Variants in TMEM45A observed in about 807,000 individuals in gnomAD.
TMEM45A encodes the protein transmembrane protein 45A, also known as DNA polymerase-transactivated protein 4.
Under a neutral mutation model 32.0 loss-of-function variants are expected in TMEM45A, and 25 were observed. The ratio of observed to expected loss-of-function variants is 0.78; its 90% CI spans 0.57 to 1.09. TMEM45A has a LOEUF of 1.09. Among genes scored for constraint, TMEM45A ranks in the 50% least tolerant of loss-of-function variants. The probability of loss-of-function intolerance (pLI) is 0.00; values close to 1 mark genes in which losing one functional copy is unlikely to be tolerated. For synonymous variants in TMEM45A, 122 were observed against 114.8 expected (o/e 1.06, Z -0.40); for missense variants, 302 against 325.0 (o/e 0.93, Z 0.54).
At chr3:100,499,067 G>A (rs1215525494) in intron 1 of TMEM45A, among the ~76,000 whole-genome samples, 2 of 151,952 alleles carry the variant, frequency 1.3e-5, no homozygotes, top group African/African-American at 4.8e-5. Context: ...GTGTGTTGTA[G>A]AAGTTCTTTA....
At chr3:100,554,434 G>T (rs1177039574) in intron 1 of TMEM45A, among the ~76,000 whole-genome samples, 2 of 152,192 alleles carry the variant, frequency 1.3e-5, no homozygotes, top group African/African-American at 2.4e-5. Flanking sequence ...CACCAAGGTT[G>T]CCCAGGCAAG....
chr3:100,560,261 C>CTTT (rs57831681), intron 4 of TMEM45A, among the ~76,000 whole-genome samples: 45 of 143,660 alleles, frequency 3.1e-4, no homozygotes, highest in African/African-American at 9.8e-4. Flanking sequence ...CTCTCTCTCT[C>CTTT]TTTTTTTTTT....
intron 1 of TMEM45A, among the ~76,000 whole-genome samples, chr3:100,546,312 A>G (rs1705979284): frequency 6.6e-6 from 1 of 152,204 alleles, no homozygotes; most frequent in African/African-American, 2.4e-5. Flanking sequence ...AATATAATAA[A>G]TGTGTGTTGT....
intron 4 of TMEM45A, among the ~76,000 whole-genome samples, chr3:100,565,226 TGTTTATGTACATGAGTGAGGATTACC>T (rs955610072): frequency 6.6e-5 from 10 of 152,336 alleles, no homozygotes; most frequent in Non-Finnish European, 1.0e-4. Flanking sequence ...ATTATTGTGA[TGTTTATGTACATGAGTGAGGATTACC>T]GTTTATGTAC....
intron 1 of TMEM45A, among the ~76,000 whole-genome samples, chr3:100,519,861 T>TA (rs1312058775): frequency 2.0e-5 from 3 of 152,222 alleles, no homozygotes; most frequent in Non-Finnish European, 2.9e-5. Flanking sequence ...ATGTTGAAGA[T>TA]ATGTGCCTTA....
At chr3:100,494,883 G>T (rs1239477989) in intron 1 of TMEM45A, among the ~76,000 whole-genome samples, 2 of 152,144 alleles carry the variant, frequency 1.3e-5, no homozygotes, top group Non-Finnish European at 2.9e-5. Context: ...TCTGTGGTGA[G>T]TTTCCTTCTC....
intron 1 of TMEM45A, among the ~76,000 whole-genome samples, chr3:100,498,499 TA>T (rs1415223533): frequency 1.3e-5 from 2 of 152,212 alleles, no homozygotes; most frequent in Non-Finnish European, 2.9e-5. Flanking sequence ...CCTGCTAGCC[TA>T]CCCTGTAGGT....
chr3:100,545,443 T>C (rs962559660), intron 1 of TMEM45A, among the ~76,000 whole-genome samples: 3 of 152,196 alleles, frequency 2.0e-5, no homozygotes, highest in African/African-American at 7.2e-5. Context: ...CATATGTGTA[T>C]AGTTTCTAGC....
chr3:100,525,588 T>TG (rs1705526944), intron 1 of TMEM45A, among the ~76,000 whole-genome samples: 1 of 152,258 alleles, frequency 6.6e-6, no homozygotes, highest in South Asian at 2.1e-4. Context: ...AGCTGGCCCA[T>TG]GGAAGGCCTC....
At chr3:100,540,178 A>T (rs771299927) in intron 1 of TMEM45A, among the ~76,000 whole-genome samples, 1 of 152,166 alleles carries the variant, frequency 6.6e-6, no homozygotes, top group Non-Finnish European at 1.5e-5. Context: ...TTTTGAGTTA[A>T]TTTTTATGGA....
At chr3:100,576,904 G>T (rs375453614) in intron 5 of TMEM45A, 21 bp from the exon 6 acceptor site, 1 of 1,564,822 alleles carries the variant, frequency 6.4e-7, no homozygotes, top group African/African-American at 1.4e-5. Flanking sequence ...TCTAACTTGA[G>T]ATGCTTTTCT....
Position 100,568,887 on chromosome 3 carries a change from T to C in TMEM45A, c.654T>C (p.Ile218=), listed in dbSNP as rs1444906199. 1.9e-6 allele frequency: 3 copies of C among 1,613,980 alleles called. No individual in the cohort carries two copies. Among genetic ancestry groups the C allele is most frequent in the African/African-American group, 1.3e-5 (1 of 75,048 alleles). ...GGGATCTGATGGATCATGAAAATAT[T>C]TTGTTTCTCACCATATGCTTTTGTT... ...PAWDLMDHEN[I]LFLTICFCWH... is the part of the protein sequence containing the mutation. The change falls in exon 5 of 6, where the codon ATT becomes ATC. Residue 218 remains isoleucine, a synonymous_variant. Coordinates refer to ENST00000323523, the MANE Select transcript of TMEM45A (RefSeq NM_018004.3).
chr3:100,563,999 G>A (rs182658709), intron 4 of TMEM45A, among the ~76,000 whole-genome samples: 1 of 152,306 alleles, frequency 6.6e-6, no homozygotes, highest in Non-Finnish European at 1.5e-5. Flanking sequence ...AGAGGCCCCA[G>A]CCCTTGGTGG....
intron 1 of TMEM45A, among the ~76,000 whole-genome samples, chr3:100,526,044 T>C (rs1444374764): frequency 6.6e-6 from 1 of 152,158 alleles, no homozygotes; most frequent in Non-Finnish European, 1.5e-5. Context: ...ATCTGGGAAA[T>C]GAGCGTCTGC....
At chr3:100,575,839 A>G (rs1277763893) in intron 5 of TMEM45A, among the ~76,000 whole-genome samples, 6 of 152,212 alleles carry the variant, frequency 3.9e-5, no homozygotes, top group Non-Finnish European at 5.9e-5. Flanking sequence ...TTTAGCCCAG[A>G]CTTGACGTGG....
chr3:100,546,235 G>A lies in TMEM45A; in HGVS notation c.-3-8974G>A, dbSNP rs575222513. ...CTTGGTTTTAGGGATAGGCATGTAG[G>A]GGCAGCTTTGCTGACACCTTGATAG... On this transcript the variant is annotated intron_variant, in intron 1 of 5. Transcript: ENST00000323523. Among the ~76,000 whole-genome samples the A allele has an allele frequency of 2.6e-5, 4 of 152,274 alleles. No homozygotes were observed. The South Asian group carries it at 8.3e-4, about 32-fold the overall frequency.
Position 100,541,523 on chromosome 3 carries a change from C to G in TMEM45A, c.-3-13686C>G, listed in dbSNP as rs1490262532. Among the ~76,000 whole-genome samples the G allele has an allele frequency of 3.2e-5, 4 of 126,272 alleles. No individual in the cohort carries two copies. In the East Asian group the frequency reaches 8.5e-4, roughly 27 times the overall value. 82.8% of individuals were successfully genotyped at this position (126,272 alleles called of 152,430 possible). A position where few individuals can be genotyped will look rare whatever the true frequency, so the allele number is the denominator to read the frequency against. The stretch of plus-strand genomic sequence containing the variant: ...GTTTTCTTTTTCTTTTCTTTTCTTT[C>G]CTTTTTTTTTTTTTTTTTTTTCTGA... On this transcript the variant is annotated intron_variant, in intron 1 of 5. Transcript: ENST00000323523.
At chr3:100,493,640 T>G (rs1015964782) in intron 1 of TMEM45A, among the ~76,000 whole-genome samples, 3 of 151,966 alleles carry the variant, frequency 2.0e-5, no homozygotes, top group Non-Finnish European at 2.9e-5. Context: ...ACTATATACA[T>G]GCTATGTATA....
intron 5 of TMEM45A, chr3:100,572,724 A>G (rs1449006607): frequency 2.0e-5 from 3 of 151,768 alleles, no homozygotes; most frequent in Admixed American, 6.6e-5. Context: ...TAGGGTTTTT[A>G]TGGTTTTAGG....
Sources: gnomAD v4.1 joint callset for allele counts (sites outside exome capture counted in the v4.1 genomes callset) on GRCh38, gnomAD v4.1.1 for gene constraint, MANE v1.5 for transcripts, NCBI Gene and HGNC (gene_info 2026-07-23, HGNC 2026-07-21) for gene names.